DST: variants seen among roughly 807,000 people sequenced by gnomAD.
DST encodes the protein dystonin.
In DST, 253 loss-of-function variants were observed where a neutral mutation model predicts 875.2. The observed-to-expected ratio is 0.29, with a 90% CI of 0.26 to 0.32. The LOEUF is 0.32. Among genes scored for constraint, DST ranks in the 10% least tolerant of loss-of-function variants. The probability of loss-of-function intolerance (pLI) is 1.00; values close to 1 mark genes in which losing one functional copy is unlikely to be tolerated. For synonymous variants in DST, 3,124 were observed against 3,197.1 expected (o/e 0.98, Z 0.77); for missense variants, 8,287 against 9,111.6 (o/e 0.91, Z 3.68).
chr6:56,826,776 T>A (rs2099780930), intron 4 of DST, among the ~76,000 whole-genome samples: 1 of 152,222 alleles, frequency 6.6e-6, no homozygotes, highest in Admixed American at 6.5e-5. Context: ...ACAAACAATG[T>A]CACGATAAAT....
chr6:56,600,995 T>G (rs1338532262), intron 44 of DST, among the ~76,000 whole-genome samples: 1 of 152,054 alleles, frequency 6.6e-6, no homozygotes, highest in East Asian at 1.9e-4. Context: ...AAACTGAGGT[T>G]AAGTAACTTG....
chr6:56,911,203 G>A (rs1269931749), intron 2 of DST, among the ~76,000 whole-genome samples: 1 of 152,178 alleles, frequency 6.6e-6, no homozygotes, highest in Non-Finnish European at 1.5e-5. Context: ...GGAAGGGAAG[G>A]AGGAAGGGAG....
chr6:56,676,564 A>AT (rs2099131264), intron 9 of DST, among the ~76,000 whole-genome samples: 1 of 152,214 alleles, frequency 6.6e-6, no homozygotes, highest in Non-Finnish European at 1.5e-5. Context: ...TATGTCAAAG[A>AT]TATACACTCC....
chr6:56,890,241 A>G (rs1786722278), intron 3 of DST, among the ~76,000 whole-genome samples: 1 of 152,244 alleles, frequency 6.6e-6, no homozygotes, highest in African/African-American at 2.4e-5. Flanking sequence ...ATAAAATGAG[A>G]GAAAAACAGA....
At chr6:56,861,961 A>G (rs989649521) in intron 3 of DST, 3 of 152,220 alleles carry the variant, frequency 2.0e-5, no homozygotes, top group African/African-American at 4.8e-5. Flanking sequence ...CCCAGAGTGT[A>G]CAGACTGAGA....
At chr6:56,903,733 C>G (rs36112505) in intron 2 of DST, among the ~76,000 whole-genome samples, 20,111 of 152,234 alleles carry the variant, frequency 0.13, 1,713 homozygotes, top group Middle Eastern at 0.23. Flanking sequence ...GCTGGGATTA[C>G]AGGTGTAAGC....
At position 56,597,994 on chromosome 6, in the gene DST, T is replaced by G. The variant is rs149342331; in HGVS notation, c.11941A>C (p.Lys3981Gln). ...TTGGTTTTGCTCTCTTCCAGCTGCT[T>G]CACTGCTGCTACCTGGGAAGGGAAA... is the stretch of plus-strand genomic sequence containing the variant. ...KEETEKVAAV[K>Q]QLEESKTKIE... Residue 3981 changes from lysine to glutamine, a missense_variant, in exon 47 of 104, where the codon AAG becomes CAG. Lys to Gln is a moderately conservative substitution (Grantham distance 53). Coordinates refer to ENST00000680361, the MANE Select transcript of DST (RefSeq NM_001374736.1). 1.7e-4 allele frequency: 266 copies of G among 1,594,088 alleles called. 1 individual carries two copies. The highest frequency in any genetic ancestry group is 1.0e-3 in the Middle Eastern group (6 of 5,956).
chr6:56,717,307 C>T (rs1402880636), intron 5 of DST, among the ~76,000 whole-genome samples: 1 of 152,168 alleles, frequency 6.6e-6, no homozygotes, highest in African/African-American at 2.4e-5. Flanking sequence ...GCTGATCTGA[C>T]AGGAGGTGGA....
intron 71 of DST, 42 bp downstream of exon 71, chr6:56,517,156 T>G (rs1429433607): frequency 1.4e-6 from 2 of 1,444,436 alleles, no homozygotes; most frequent in East Asian, 4.5e-5. Flanking sequence ...CACCTGCTGT[T>G]TTTTCAAGAG....
At chr6:56,950,987 A>G (rs1225205885) in intron 2 of DST, among the ~76,000 whole-genome samples, 2 of 152,190 alleles carry the variant, frequency 1.3e-5, no homozygotes, top group Non-Finnish European at 2.9e-5. Context: ...TCCTCAGATG[A>G]GGAAGGTGGC....
Position 56,609,343 on chromosome 6 carries a change from A to G in DST, c.5285T>C (p.Leu1762Pro), listed in dbSNP as rs747628538. The G allele has an allele frequency of 6.3e-7, 1 of 1,585,474 alleles. No homozygotes were observed. Among genetic ancestry groups the G allele is most frequent in the Non-Finnish European group, 8.6e-7 (1 of 1,166,224 alleles). ...TSGDVKVEEK[L>P]DKVIAGTIDQ... ...AATGGTGCCTGCAATCACTTTATCC[A>G]GCTGAAAGGAAAATGCAAAAATCTC... Residue 1762 changes from leucine to proline, a missense_variant and splice_region_variant, in exon 40 of 104, where the codon CTG (leucine) becomes CCG (proline). This residue lies in a region of DST where 3,138 missense variants were observed against 3,116.6 expected (regional missense o/e 1.01). Coordinates refer to ENST00000680361, the MANE Select transcript of DST (RefSeq NM_001374736.1).
Position 56,557,455 on chromosome 6 carries a change from G to C in DST, c.14504C>G (p.Ser4835Cys). The stretch of plus-strand genomic sequence containing the variant: ...AGTCTGGAACTGGGTTAGATTATTG[G>C]AGGATTCTTCCAGTTTTTGTTGTCT... ...IDRQQKLEES[S>C]NNLTQFQTVE... Residue 4835 changes from serine to cysteine, a missense_variant, in exon 59 of 104, where the codon TCC (serine) becomes TGC (cysteine). By Grantham distance (112) the Ser-to-Cys change is moderately radical (BLOSUM62 -1). Around this residue, in one of 10 missense-constraint regions of DST, gnomAD observed 1,513 missense variants for 1,677.8 expected, o/e 0.90. Coordinates refer to ENST00000680361, the MANE Select transcript of DST (RefSeq NM_001374736.1). 1 of 1,613,620 alleles carries C rather than the reference G, an allele frequency of 6.2e-7. No individual in the cohort carries two copies. Among genetic ancestry groups the C allele is most frequent in the South Asian group, 1.1e-5 (1 of 91,048 alleles).
chr6:56,824,453 C>G lies in DST; in HGVS notation c.625+26944G>C, dbSNP rs372842645. Among the ~76,000 whole-genome samples, 4 of 152,074 alleles carry G rather than the reference C, an allele frequency of 2.6e-5. No homozygotes were observed. The East Asian group carries it at 5.8e-4, about 22-fold the overall frequency. ...CCCGTCTGGGAAGTGAGGAGCGTCT[C>G]TGCCTGGCTGCCCATCGTCTGGGAT... On this transcript the variant is annotated intron_variant, in intron 4 of 103. Transcript: ENST00000680361.
At chr6:56,905,196 C>T (rs1795838300) in intron 2 of DST, among the ~76,000 whole-genome samples, 2 of 152,042 alleles carry the variant, frequency 1.3e-5, no homozygotes, top group South Asian at 4.1e-4. Flanking sequence ...TTTGGATAAT[C>T]ATTTCCCAAG....
intron 9 of DST, chr6:56,693,155 T>A: frequency 7.8e-7 from 1 of 1,277,452 alleles, no homozygotes; most frequent in Non-Finnish European, 1.0e-6. Flanking sequence ...CCCATTTGAT[T>A]TGTAGGAGAT....
At chr6:56,508,115 A>T (rs1437590417) in intron 75 of DST, among the ~76,000 whole-genome samples, 1 of 152,006 alleles carries the variant, frequency 6.6e-6, no homozygotes, top group Non-Finnish European at 1.5e-5. Flanking sequence ...GCTGACTGTA[A>T]CCTCCACCTC....
Position 56,640,063 on chromosome 6 carries a change from G to T in DST, c.2491-6C>A. On this transcript the variant is annotated splice_region_variant and splice_polypyrimidine_tract_variant and intron_variant, in intron 18 of 103. Transcript: ENST00000680361. ...TCAGTGCGGTCCAGTTGTACCTTCA[G>T]ACAGTAAAATACTAAGTTTAAAAAA... 1.9e-6 allele frequency: 3 copies of T among 1,613,950 alleles called. No homozygotes were observed. The highest frequency in any genetic ancestry group is 1.1e-5 in the South Asian group (1 of 91,080).
At chr6:56,733,252 C>T (rs534644472) in intron 5 of DST, among the ~76,000 whole-genome samples, 1 of 152,236 alleles carries the variant, frequency 6.6e-6, no homozygotes, top group East Asian at 1.9e-4. Flanking sequence ...GGCAACACAC[C>T]TATCAATCTC....
At position 56,460,189 on chromosome 6, in the gene DST, A is replaced by G. The variant is rs1450473632; in HGVS notation, c.23136T>C (p.Ser7712=). ...PGYLSGKGFH[S]GEDSGLITTA... is the part of the protein sequence containing the mutation. ...TTGTTATCAAGCCACTGTCCTCCCC[A>G]GAGTGGAAGCCTTTCCCTGATAAAT... Residue 7712 remains serine, a synonymous_variant, in exon 103 of 104, where the codon TCT becomes TCC. Transcript: ENST00000680361. 8 of 1,613,894 alleles carry G rather than the reference A, an allele frequency of 5.0e-6. No individual in the cohort carries two copies. Among genetic ancestry groups the G allele is most frequent in the Non-Finnish European group, 5.9e-6 (7 of 1,179,884 alleles).
Sources: allele counts gnomAD v4.1 joint callset (sites outside exome capture counted in the v4.1 genomes callset), GRCh38; gene constraint gnomAD v4.1.1; regional missense constraint gnomAD v4.1.1; transcripts MANE v1.5; gene names NCBI Gene and HGNC (gene_info 2026-07-23, HGNC 2026-07-21).